SHANK2: variants seen among roughly 807,000 people sequenced by gnomAD.
SHANK2 encodes the protein SH3 and multiple ankyrin repeat domains 2, also known as SH3 and multiple ankyrin repeat domains protein 2.
In SHANK2, 43 loss-of-function variants were observed where a neutral mutation model predicts 133.7. The ratio of observed to expected loss-of-function variants is 0.32; its 90% CI spans 0.25 to 0.41. SHANK2 has a LOEUF of 0.41. Ranked by LOEUF, SHANK2 falls within the 10% of genes least tolerant of loss-of-function variation. The pLI is 1.00. For missense variants in SHANK2, 1,994 were observed against 2,235.8 expected (o/e 0.89, Z 2.18); for synonymous variants, 1,017 against 952.8 (o/e 1.07, Z -1.24).
rs180755989 is a variant in SHANK2 at position 70,544,984 on chromosome 11, G to A, written c.2062-42053C>T. Among the ~76,000 whole-genome samples, 129 of 152,310 alleles carry A rather than the reference G, an allele frequency of 8.5e-4. 4 individuals are homozygous for A. In the East Asian group the frequency reaches 0.017, roughly 20 times the overall value. ...CTGCTGTGTCTCCTGCTGGGGTGGC[G>A]GTGGACCTCGGGAGCTTCTCTCACA... is the stretch of plus-strand genomic sequence containing the variant. On this transcript the variant is annotated intron_variant, in intron 17 of 25. Coordinates refer to ENST00000601538, the MANE Select transcript of SHANK2 (RefSeq NM_012309.5).
At chr11:71,074,773 A>ATTTTTTT in intron 9 of SHANK2, among the ~76,000 whole-genome samples, 1 of 92,524 alleles carries the variant, frequency 1.1e-5, no homozygotes, top group East Asian at 3.4e-4. Context: ...ACCTAAGCCA[A>ATTTTTTT]TTTTTTTTTT....
At chr11:70,524,474 C>T (rs182361904) in intron 17 of SHANK2, among the ~76,000 whole-genome samples, 7 of 152,328 alleles carry the variant, frequency 4.6e-5, no homozygotes, top group East Asian at 1.9e-4. Flanking sequence ...CAGCTAAGAC[C>T]TTGTGAATTC....
At chr11:71,118,039 G>A (rs1952011509) in intron 4 of SHANK2, among the ~76,000 whole-genome samples, 1 of 152,142 alleles carries the variant, frequency 6.6e-6, no homozygotes, top group Non-Finnish European at 1.5e-5. Context: ...CTGGTGTCTG[G>A]AGAGGTGGAG....
At chr11:71,094,509 C>CA in intron 7 of SHANK2, 28 bp downstream of exon 7, 1 of 1,541,664 alleles carries the variant, frequency 6.5e-7, no homozygotes, top group East Asian at 2.5e-5. Context: ...CACGGGGTGG[C>CA]ACCCAAGTAA....
intron 8 of SHANK2, among the ~76,000 whole-genome samples, chr11:71,087,811 G>GT (rs1212778074): frequency 6.6e-6 from 1 of 152,102 alleles, no homozygotes; most frequent in Non-Finnish European, 1.5e-5. Context: ...TGTATTTTTA[G>GT]TAAGACAGGG....
At chr11:70,542,232 A>C (rs1395104033) in intron 17 of SHANK2, among the ~76,000 whole-genome samples, 1 of 152,206 alleles carries the variant, frequency 6.6e-6, no homozygotes, top group Non-Finnish European at 1.5e-5. Flanking sequence ...TAATTAAGTT[A>C]AGGATTTCGA....
In SHANK2 at chr11:70,766,584, A is replaced by G. The variant is rs782407839; in HGVS notation, c.1777+31859T>C. Among the ~76,000 whole-genome samples the G allele has an allele frequency of 1.6e-4, 24 of 152,236 alleles. 1 individual carries two copies. The highest frequency in any genetic ancestry group is 3.1e-4 in the Non-Finnish European group (21 of 68,028). ...AGGCCCTGGTTTAAGTCACTAAAAT[A>G]GTTTCCACTCCTAAGCAACCGCATC... On this transcript the variant is annotated intron_variant, in intron 14 of 25. Transcript: ENST00000601538.
At chr11:71,221,981 C>T (rs904066403) in intron 2 of SHANK2, among the ~76,000 whole-genome samples, 45 of 152,270 alleles carry the variant, frequency 3.0e-4, no homozygotes, top group African/African-American at 9.4e-4. Flanking sequence ...AACTGGGACA[C>T]CTGAGGAAGC....
chr11:70,775,936 T>C (rs1947356281), intron 14 of SHANK2, among the ~76,000 whole-genome samples: 2 of 152,248 alleles, frequency 1.3e-5, no homozygotes, highest in African/African-American at 2.4e-5. Context: ...GAGCACCATA[T>C]GACAGCTTTC....
intron 7 of SHANK2, 84 bp from the exon 8 acceptor site, chr11:71,092,673 A>C: frequency 7.2e-7 from 1 of 1,396,958 alleles, no homozygotes; most frequent in South Asian, 1.3e-5. Context: ...CAGCACCAGG[A>C]CCACCCTCCC....
chr11:70,817,208 G>A (rs1426443800), intron 12 of SHANK2, among the ~76,000 whole-genome samples: 1 of 152,206 alleles, frequency 6.6e-6, no homozygotes, highest in African/African-American at 2.4e-5. Context: ...TGTCCCATAG[G>A]AGGGGACGTC....
chr11:70,641,241 G>A (rs547453271), intron 17 of SHANK2, among the ~76,000 whole-genome samples: 4 of 152,014 alleles, frequency 2.6e-5, no homozygotes, highest in East Asian at 1.9e-4. Context: ...GACTACAGGC[G>A]CATGCCACCA....
rs929537876 is a variant in SHANK2 at position 70,949,729 on chromosome 11, C to T, written c.1108-53162G>A. 9.8e-5 allele frequency among the ~76,000 whole-genome samples: 15 copies of T among 152,336 alleles called. No homozygotes were observed. In the East Asian group the frequency reaches 1.2e-3, roughly 12 times the overall value. ...CACTGCCCTGGCCCATGCTGCAGGC[C>T]TCCCTGGGCCCCCGTGGCCTGGGCC... On this transcript the variant is annotated intron_variant, in intron 10 of 25. Transcript: ENST00000601538.
chr11:70,896,973 C>A (rs1555075829), intron 10 of SHANK2, among the ~76,000 whole-genome samples: 2 of 152,068 alleles, frequency 1.3e-5, no homozygotes, highest in Admixed American at 1.3e-4. Context: ...TAGATGCATG[C>A]CAATCTACAT....
rs1951571907 is a variant in SHANK2, at chr11:71,094,483, C to T, written c.744+54G>A. ...GCACTGCGGGGATGGGATGGGGCAG[C>T]CGCACGGAATCAGAGCACGGGGTGG... On this transcript the variant is annotated intron_variant, in intron 7 of 25. Coordinates refer to ENST00000601538, the MANE Select transcript of SHANK2 (RefSeq NM_012309.5). The T allele has an allele frequency of 5.3e-6, 8 of 1,511,882 alleles. No individual in the cohort carries two copies. The South Asian group carries it at 1.0e-4, about 20-fold the overall frequency. The allele number at this position is 1,511,882 out of a possible 1,614,324, so 93.7% of individuals were successfully genotyped here.
chr11:70,697,793 C>T, intron 15 of SHANK2, among the ~76,000 whole-genome samples: 1 of 152,290 alleles, frequency 6.6e-6, no homozygotes, highest in South Asian at 2.1e-4. Flanking sequence ...CCCACCTCTG[C>T]AGGAGATGAG....
chr11:70,666,362 A>G (rs975474530), intron 15 of SHANK2, among the ~76,000 whole-genome samples: 3 of 152,328 alleles, frequency 2.0e-5, no homozygotes, highest in African/African-American at 4.8e-5. Context: ...GGAACTTGGC[A>G]GCACCCCCCA....
chr11:70,810,978 T>G (rs1272468873), intron 12 of SHANK2, among the ~76,000 whole-genome samples: 1 of 152,126 alleles, frequency 6.6e-6, no homozygotes, highest in African/African-American at 2.4e-5. Context: ...TGAAGGTTAG[T>G]CCTAGTGATG....
At chr11:70,746,404 A>G (rs1314043348) in intron 14 of SHANK2, among the ~76,000 whole-genome samples, 4 of 129,410 alleles carry the variant, frequency 3.1e-5, no homozygotes, top group Non-Finnish European at 6.5e-5. Flanking sequence ...TGGGGGATGC[A>G]GGGTGCCCCA....
Sources: allele counts gnomAD v4.1 joint callset (sites outside exome capture counted in the v4.1 genomes callset), GRCh38; gene constraint gnomAD v4.1.1; transcripts MANE v1.5; gene names NCBI Gene and HGNC (gene_info 2026-07-23, HGNC 2026-07-21).